The following APTX variants were observed in gnomAD, a reference collection of about 807,000 sequenced individuals.
APTX encodes the protein aprataxin, also known as forkhead-associated domain histidine triad-like protein.
A neutral mutation model predicts 42.3 loss-of-function variants in APTX; 33 were observed. That is an observed-to-expected ratio of 0.78 (90% confidence interval 0.59 to 1.04). APTX has a LOEUF of 1.04. Ranked by LOEUF, APTX falls within the 50% of genes least tolerant of loss-of-function variation. APTX has a pLI of 0.00. For missense variants in APTX, 421 were observed against 415.1 expected (o/e 1.01, Z -0.12); for synonymous variants, 130 against 146.7 (o/e 0.89, Z 0.82).
chr9:33,020,814 T>C (rs4358883), intron 1 of APTX, among the ~76,000 whole-genome samples: 10,739 of 152,302 alleles, frequency 0.071, 516 homozygotes, highest in Non-Finnish European at 0.11. Context: ...GCTACCTCTA[T>C]GAACACTTAC....
At chr9:32,974,637 G>T in intron 6 of APTX, 76 bp from the exon 7 acceptor site, 2 of 815,522 alleles carry the variant, frequency 2.5e-6, no homozygotes, top group Non-Finnish European at 4.2e-6. Flanking sequence ...AAGAGTATGA[G>T]TACATTGTAT....
At chr9:33,001,282 G>C (rs1836377691) in intron 1 of APTX, 2 of 1,465,616 alleles carry the variant, frequency 1.4e-6, no homozygotes, top group East Asian at 5.7e-5. Context: ...TGGTTGGACA[G>C]GGCCCATTCT....
At chr9:32,983,916 G>GAGAT in intron 6 of APTX, among the ~76,000 whole-genome samples, 1 of 152,266 alleles carries the variant, frequency 6.6e-6, no homozygotes, top group Admixed American at 6.5e-5. Flanking sequence ...AACAGTTCTG[G>GAGAT]AGATAGATGG....
At chr9:33,015,285 A>ACAAATAAT (rs1371188920) in intron 1 of APTX, among the ~76,000 whole-genome samples, 2 of 152,254 alleles carry the variant, frequency 1.3e-5, no homozygotes, top group African/African-American at 4.8e-5. Context: ...ATGTGGGAAC[A>ACAAATAAT]CAAATAATAA....
At chr9:32,982,023 T>C (rs1051231855) in intron 6 of APTX, among the ~76,000 whole-genome samples, 5 of 147,082 alleles carry the variant, frequency 3.4e-5, no homozygotes, top group African/African-American at 1.2e-4. Flanking sequence ...ATTTTGAAGG[T>C]GAAAACCTGG....
At chr9:33,020,063 G>C (rs2119312163) in intron 1 of APTX, 1 of 394,556 alleles carries the variant, frequency 2.5e-6, no homozygotes, top group South Asian at 1.0e-4. Flanking sequence ...GCGCCCCCGG[G>C]GCAGCTGTGA....
chr9:32,978,151 TG>T (rs1224937213), intron 6 of APTX, among the ~76,000 whole-genome samples: 1 of 152,190 alleles, frequency 6.6e-6, no homozygotes, highest in East Asian at 1.9e-4. Flanking sequence ...TGTTGAAGAA[TG>T]GAAAGCCATG....
At chr9:32,984,598 C>G (rs771074811) in intron 6 of APTX, 33 bp downstream of exon 6, 7 of 1,601,912 alleles carry the variant, frequency 4.4e-6, no homozygotes, top group Admixed American at 1.7e-5. Flanking sequence ...CTGGACAGAA[C>G]CAGGAGCCAG....
At chr9:32,994,954 G>A (rs536876169) in intron 1 of APTX, among the ~76,000 whole-genome samples, 9 of 152,222 alleles carry the variant, frequency 5.9e-5, no homozygotes, top group East Asian at 1.9e-4. Context: ...AAGCCTGGAC[G>A]ACAGCATGAC....
chr9:32,996,663 A>G (rs1483633630), intron 1 of APTX, among the ~76,000 whole-genome samples: 1 of 152,192 alleles, frequency 6.6e-6, no homozygotes, highest in African/African-American at 2.4e-5. Context: ...TAAAGCCTTC[A>G]TTGAGCTGTC....
chr9:33,022,962 A>G (rs1838509845), intron 1 of APTX, among the ~76,000 whole-genome samples: 1 of 151,964 alleles, frequency 6.6e-6, no homozygotes, highest in Admixed American at 6.6e-5. Context: ...TCAGCCTCCC[A>G]AGTAGCTGGG....
chr9:32,984,477 C>G (rs1476271014), intron 6 of APTX, among the ~76,000 whole-genome samples, 154 bp downstream of exon 6: 2 of 152,168 alleles, frequency 1.3e-5, no homozygotes, highest in Non-Finnish European at 2.9e-5. Flanking sequence ...GCAAGTCAGG[C>G]AGAGAGGTGG....
In APTX at chr9:33,001,401, G is replaced by A. The variant is rs764301575; in HGVS notation, c.-5+166C>T. ...ACCAACGCGAGCGCCCGCTGAAACA[G>A]CCCAAGGTAGTAACAGGGGAGGACG... is the stretch of plus-strand genomic sequence containing the variant. On this transcript the variant is annotated intron_variant, in intron 1 of 7. Transcript: ENST00000379817. 6 of 1,534,470 alleles carry A rather than the reference G, an allele frequency of 3.9e-6. No homozygotes were observed. The East Asian group carries it at 1.2e-4, about 31-fold the overall frequency.
chr9:32,996,829 G>A (rs901763910), intron 1 of APTX, among the ~76,000 whole-genome samples: 2 of 152,242 alleles, frequency 1.3e-5, no homozygotes, highest in Non-Finnish European at 2.9e-5. Context: ...CAATGAGGAG[G>A]GGTTTCGGGA....
intron 1 of APTX, among the ~76,000 whole-genome samples, chr9:32,991,807 C>T (rs1470433545): frequency 6.7e-6 from 1 of 148,786 alleles, no homozygotes; most frequent in Non-Finnish European, 1.5e-5. Context: ...AGACACTCAC[C>T]AAAGACTTCA....
intron 5 of APTX, 38 bp downstream of exon 5, chr9:32,985,933 A>G: frequency 2.5e-6 from 4 of 1,580,332 alleles, no homozygotes; most frequent in Non-Finnish European, 3.5e-6. Flanking sequence ...GTCATTTACA[A>G]CATGAAATGT....
At chr9:32,995,985 C>G (rs951725358) in intron 1 of APTX, among the ~76,000 whole-genome samples, 5 of 152,128 alleles carry the variant, frequency 3.3e-5, no homozygotes, top group African/African-American at 7.2e-5. Context: ...CAAGACCCCC[C>G]CTACATCAGC....
At chr9:33,014,754 T>C (rs578053130) in intron 1 of APTX, among the ~76,000 whole-genome samples, 1 of 152,242 alleles carries the variant, frequency 6.6e-6, no homozygotes, top group East Asian at 1.9e-4. Flanking sequence ...CCTAGAAGTA[T>C]TGCTGTAGCT....
chr9:33,020,584 G>A (rs140235071), intron 1 of APTX, among the ~76,000 whole-genome samples: 110 of 152,326 alleles, frequency 7.2e-4, no homozygotes, highest in African/African-American at 2.6e-3. Flanking sequence ...ATATGGCAAC[G>A]TTTGTAGAGT....
Sources: gnomAD v4.1 joint callset for allele counts (sites outside exome capture counted in the v4.1 genomes callset) on GRCh38, gnomAD v4.1.1 for gene constraint, MANE v1.5 for transcripts, NCBI Gene and HGNC (gene_info 2026-07-23, HGNC 2026-07-21) for gene names.